The following LAPTM4B variants were observed in gnomAD, a reference collection of about 807,000 sequenced individuals.
LAPTM4B encodes lysosomal-associated transmembrane protein 4B.
Under a neutral mutation model 28.5 loss-of-function variants are expected in LAPTM4B, and 26 were observed. That is an observed-to-expected ratio of 0.91 (90% CI 0.67 to 1.27). The LOEUF (loss-of-function observed/expected upper bound fraction) is 1.27. Among genes scored for constraint, LAPTM4B ranks in the 50% most tolerant of loss-of-function variants. The pLI, the probability that LAPTM4B is intolerant of heterozygous loss-of-function variation, is 0.00. For missense variants in LAPTM4B, 288 were observed against 285.8 expected, an observed-to-expected ratio of 1.01 and a Z score of -0.06; for synonymous variants, 109 against 106.4, an observed-to-expected ratio of 1.02 and a Z score of -0.15.
chr8:97,776,256 C>A (rs1563596908), intron 1 of LAPTM4B, 148 bp downstream of exon 1: 2 of 1,071,800 alleles, frequency 1.9e-6, no homozygotes, highest in African/African-American at 1.7e-5. Context: ...GCCGCGTCCG[C>A]ACTTCCCCCG....
chr8:97,832,687 T>TTTTATTTTATTTTA (rs1378408548), intron 6 of LAPTM4B, among the ~76,000 whole-genome samples: 1 of 95,436 alleles, frequency 1.0e-5, no homozygotes, highest in African/African-American at 3.4e-5. Context: ...TTTTATTTTA[T>TTTTATTTTATTTTA]TTTATTTTAT....
At chr8:97,804,871 T>G (rs1816736940) in intron 1 of LAPTM4B, among the ~76,000 whole-genome samples, 1 of 152,206 alleles carries the variant, frequency 6.6e-6, no homozygotes, top group South Asian at 2.1e-4. Context: ...TAGCTTTGCA[T>G]TCATTCTCTG....
chr8:97,793,281 T>C (rs1473480958), intron 1 of LAPTM4B, among the ~76,000 whole-genome samples: 2 of 152,166 alleles, frequency 1.3e-5, no homozygotes, highest in Non-Finnish European at 2.9e-5. Context: ...ACTTGGCTGT[T>C]GATGTATGTT....
chr8:97,776,778 C>G (rs1016244797), intron 1 of LAPTM4B, among the ~76,000 whole-genome samples: 1 of 151,988 alleles, frequency 6.6e-6, no homozygotes, highest in African/African-American at 2.4e-5. Context: ...AAGCCATTTT[C>G]CACCCACATT....
intron 1 of LAPTM4B, among the ~76,000 whole-genome samples, chr8:97,801,556 A>G (rs1373256777): frequency 6.6e-6 from 1 of 152,086 alleles, no homozygotes; most frequent in Non-Finnish European, 1.5e-5. Flanking sequence ...CCTTTTCTCA[A>G]AAATAAGAGT....
At chr8:97,837,615 C>T (rs575048540) in intron 6 of LAPTM4B, among the ~76,000 whole-genome samples, 2 of 152,158 alleles carry the variant, frequency 1.3e-5, no homozygotes, top group Admixed American at 6.6e-5. Context: ...TTTGCCTAAG[C>T]GTAGTTACTA....
rs147299649 is a variant in LAPTM4B at position 97,800,743 on chromosome 8, G to A, written c.100-4610G>A. 6.0e-3 allele frequency among the ~76,000 whole-genome samples: 919 copies of A among 152,044 alleles called. 7 individuals carry two copies. Among genetic ancestry groups the A allele is most frequent in the African/African-American group, 0.021 (865 of 41,446 alleles). ...ACTCCTGACTTATGGTGATCTGCCC[G>A]CCTTGGCCTCCCAAAGTGCTAGGAT... On this transcript the variant is annotated intron_variant, in intron 1 of 6. Coordinates refer to ENST00000521545, the MANE Select transcript of LAPTM4B (RefSeq NM_018407.6).
In LAPTM4B at chr8:97,852,941, G is replaced by T. The variant is rs977900045; in HGVS notation, c.*1467G>T. On this transcript the variant is annotated 3_prime_UTR_variant, in exon 7 of 7. Coordinates refer to ENST00000521545, the MANE Select transcript of LAPTM4B (RefSeq NM_018407.6). Reference sequence around the variant, plus strand: ...GGAGAATAAATTACCATTGGTGTGGGGGAAAAAAGCCAAACAGAAGTAGAA... The same window carrying T: ...GGAGAATAAATTACCATTGGTGTGGTGGAAAAAAGCCAAACAGAAGTAGAA... The T allele has an allele frequency of 1.5e-5, 7 of 478,850 alleles. No homozygotes were observed. The highest frequency in any genetic ancestry group is 1.1e-4 in the East Asian group (3 of 27,970). 29.7% of individuals were successfully genotyped at this position (478,850 alleles called of 1,614,324 possible).
chr8:97,798,476 A>G (rs1816625247), intron 1 of LAPTM4B, among the ~76,000 whole-genome samples: 1 of 152,122 alleles, frequency 6.6e-6, no homozygotes, highest in Admixed American at 6.6e-5. Flanking sequence ...TAATGAGCTT[A>G]CCTGTCATAT....
At chr8:97,823,988 C>G (rs1348794088) in intron 5 of LAPTM4B, among the ~76,000 whole-genome samples, 1 of 152,062 alleles carries the variant, frequency 6.6e-6, no homozygotes, top group African/African-American at 2.4e-5. Flanking sequence ...ACGTGAGCCA[C>G]CTTGCCTGGC....
chr8:97,839,273 C>T (rs925401894), intron 6 of LAPTM4B, among the ~76,000 whole-genome samples: 4 of 152,168 alleles, frequency 2.6e-5, no homozygotes, highest in African/African-American at 9.7e-5. Flanking sequence ...CGGCTCACTG[C>T]ATCCTCCACC....
At position 97,819,704 on chromosome 8, in the gene LAPTM4B, G is replaced by A. The variant is rs536407465; in HGVS notation, c.507+466G>A. 2.8e-5 allele frequency among the ~76,000 whole-genome samples: 4 copies of A among 143,412 alleles called. No individual in the cohort carries two copies. In the East Asian group the frequency reaches 8.1e-4, roughly 29 times the overall value. 94.1% of individuals were successfully genotyped at this position (143,412 alleles called of 152,430 possible). A position where few individuals can be genotyped will look rare whatever the true frequency, so the allele number is the denominator to read the frequency against. Reference sequence around the variant, plus strand: ...TATTTAAGTACATCCTTATATTTATGCATTTATCTCAAGATAAATTTCCTT... The same window carrying A: ...TATTTAAGTACATCCTTATATTTATACATTTATCTCAAGATAAATTTCCTT... On this transcript the variant is annotated intron_variant, in intron 5 of 6. Coordinates refer to ENST00000521545, the MANE Select transcript of LAPTM4B (RefSeq NM_018407.6).
chr8:97,829,048 C>G (rs1033942205), intron 6 of LAPTM4B, among the ~76,000 whole-genome samples: 12 of 152,080 alleles, frequency 7.9e-5, no homozygotes, highest in African/African-American at 2.7e-4. Context: ...TTGAGGCAGG[C>G]AGAACTGGAA....
rs1563626118 is a variant in LAPTM4B at position 97,851,405 on chromosome 8, AC to A, written c.617del (p.Pro206ArgfsTer7). ...TCCCTCTTTCTTCTCAGGTGCTGCT[AC>A]CCCCGTATGATGATGCCACTGTGAA... ...VTSNDTTVLL[P>X]PYDDATVNGA... On this transcript the variant is annotated frameshift_variant, in exon 7 of 7. Coordinates refer to ENST00000521545, the MANE Select transcript of LAPTM4B (RefSeq NM_018407.6). LOFTEE classifies it high-confidence loss of function. 1 of 1,613,762 alleles carries A rather than the reference AC, an allele frequency of 6.2e-7. No homozygotes were observed. The highest frequency in any genetic ancestry group is 8.5e-7 in the Non-Finnish European group (1 of 1,179,762).
In LAPTM4B at chr8:97,816,164, A is replaced by T. The variant is rs761533567; in HGVS notation, c.392A>T (p.Glu131Val). ...TVLIYPNSIQ[E>V]YIRQLPPNFP... The stretch of plus-strand genomic sequence containing the variant: ...CTTATTTATCCAAACTCCATTCAGG[A>T]ATACATACGGCAACTGGTACGTGGA... Residue 131 changes from glutamate (E) to valine (V), a missense_variant, in exon 4 of 7, where the codon GAA (glutamate) becomes GTA (valine). Glu to Val is a moderately radical substitution (Grantham distance 121). Coordinates refer to ENST00000521545, the MANE Select transcript of LAPTM4B (RefSeq NM_018407.6). 4.3e-6 allele frequency: 7 copies of T among 1,612,656 alleles called. No homozygotes were observed. The highest frequency in any genetic ancestry group is 5.9e-6 in the Non-Finnish European group (7 of 1,179,706).
intron 6 of LAPTM4B, among the ~76,000 whole-genome samples, chr8:97,836,357 T>G (rs1817259992): frequency 6.6e-6 from 1 of 152,026 alleles, no homozygotes; most frequent in African/African-American, 2.4e-5. Context: ...ATTTTTGTAT[T>G]TTCAGTAGAG....
intron 1 of LAPTM4B, 27 bp from the exon 2 acceptor site, chr8:97,805,324 CTT>C (rs386413439): frequency 1.2e-3 from 1,015 of 840,310 alleles, no homozygotes; most frequent in South Asian, 4.1e-3. Flanking sequence ...TACTTAAATT[CTT>C]TTTTTTTTTT....
In LAPTM4B at chr8:97,825,114, C is replaced by T. The variant is rs567738606; in HGVS notation, c.564C>T (p.Ser188=). Residue 188 remains serine, a synonymous_variant, in exon 6 of 7, where the codon TCC becomes TCT. Coordinates refer to ENST00000521545, the MANE Select transcript of LAPTM4B (RefSeq NM_018407.6). ...ACCGATACATCAATGGTAGGAACTC[C>T]TCTGATGTCCTGGTTTATGTTACCA... ...NCYRYINGRN[S]SDVLVYVTSN... The T allele has an allele frequency of 5.6e-6, 9 of 1,610,976 alleles. No individual in the cohort carries two copies. In the East Asian group the frequency reaches 1.3e-4, roughly 24 times the overall value.
At chr8:97,795,384 C>T (rs1816565764) in intron 1 of LAPTM4B, among the ~76,000 whole-genome samples, 1 of 152,114 alleles carries the variant, frequency 6.6e-6, no homozygotes, top group Non-Finnish European at 1.5e-5. Flanking sequence ...AAGCCACCCA[C>T]ACCTGGCCTA....
Sources: allele counts gnomAD v4.1 joint callset (sites outside exome capture counted in the v4.1 genomes callset), GRCh38; gene constraint gnomAD v4.1.1; transcripts MANE v1.5; gene names NCBI Gene and HGNC (gene_info 2026-07-23, HGNC 2026-07-21).